Variants in FRAS1 observed in about 807,000 individuals in gnomAD.
FRAS1 encodes the protein extracellular matrix organizing protein FRAS1.
FRAS1 carries 290 observed loss-of-function variants against 435.2 expected under a neutral mutation model. That is an observed-to-expected ratio of 0.67 (90% CI 0.61 to 0.73). FRAS1 has a LOEUF of 0.73. Among genes scored for constraint, FRAS1 ranks in the 30% least tolerant of loss-of-function variants. The probability of loss-of-function intolerance (pLI) is 0.00; values close to 1 mark genes in which losing one functional copy is unlikely to be tolerated. For missense variants in FRAS1, 4,860 were observed against 5,001.5 expected, an observed-to-expected ratio of 0.97 and a Z score of 0.85; for synonymous variants, 1,800 against 1,851.0, an observed-to-expected ratio of 0.97 and a Z score of 0.71.
At position 78,283,964 on chromosome 4, in the gene FRAS1, T is replaced by G. The variant is rs115964369; in HGVS notation, c.1256-441T>G. Among the ~76,000 whole-genome samples, 292 of 152,264 alleles carry G rather than the reference T, an allele frequency of 1.9e-3. 2 individuals are homozygous for G. The highest frequency in any genetic ancestry group is 6.7e-3 in the African/African-American group (278 of 41,556). Reference sequence around the variant, plus strand: ...AGAAAAAGAAGAAAATGGGGTGCATTTTTCTTAGATAAAAATAACTATTTT... The same window carrying G: ...AGAAAAAGAAGAAAATGGGGTGCATGTTTCTTAGATAAAAATAACTATTTT... On this transcript the variant is annotated intron_variant, in intron 12 of 73. Transcript: ENST00000512123.
chr4:78,307,229 T>A (rs562071439), intron 14 of FRAS1, among the ~76,000 whole-genome samples: 11 of 152,330 alleles, frequency 7.2e-5, no homozygotes, highest in African/African-American at 2.6e-4. Flanking sequence ...AGTTTTCAGA[T>A]CTCAAGCTGC....
intron 38 of FRAS1, among the ~76,000 whole-genome samples, 196 bp from the exon 39 acceptor site, chr4:78,438,374 C>T (rs1462682211): frequency 6.6e-6 from 1 of 152,044 alleles, no homozygotes; most frequent in Non-Finnish European, 1.5e-5. Flanking sequence ...AATATGTTAT[C>T]AAAGAGGAAT....
Position 78,139,914 on chromosome 4 carries a change from CT to C in FRAS1, c.108+73900del, listed in dbSNP as rs541174813. On this transcript the variant is annotated intron_variant, in intron 2 of 73. Transcript: ENST00000512123. ...CTATATTGTTATAATTGGATTTGACCTTCAGCCCCCTTTAATTCATTTATTT... is the reference window on the plus strand; with the variant it reads ...CTATATTGTTATAATTGGATTTGACCTCAGCCCCCTTTAATTCATTTATTT... Among the ~76,000 whole-genome samples the C allele has an allele frequency of 4.5e-4, 69 of 152,226 alleles. 1 individual carries two copies. In the South Asian group the frequency reaches 0.011, roughly 25 times the overall value.
intron 43 of FRAS1, 128 bp downstream of exon 43, chr4:78,447,008 T>A (rs945650942): frequency 4.4e-6 from 4 of 916,072 alleles, no homozygotes; most frequent in Admixed American, 3.3e-5. Flanking sequence ...CAAAGTGTAA[T>A]CAAATTCACA....
chr4:78,269,865 A>AATGCATAGGAGAGGGT (rs1226673074), intron 9 of FRAS1, among the ~76,000 whole-genome samples: 1 of 152,168 alleles, frequency 6.6e-6, no homozygotes, highest in Non-Finnish European at 1.5e-5. Context: ...CTTGGAGCAA[A>AATGCATAGGAGAGGGT]ATGCATAGGA....
Position 78,515,880 on chromosome 4 carries a change from G to C in FRAS1, c.10256G>C (p.Ser3419Thr). ...GATCGCCCCTTCCAGTTTGACCCCA[G>C]CGTGCGAGAGCCGAAGACCATCCAG... ...GYDRPFQFDP[S>T]VREPKTIQLY... The change falls in exon 66 of 74, where the codon AGC (serine) becomes ACC (threonine). Residue 3419 changes from serine (S) to threonine (T), a missense_variant. Coordinates refer to ENST00000512123, the MANE Select transcript of FRAS1 (RefSeq NM_025074.7). 1.9e-6 allele frequency: 3 copies of C among 1,613,974 alleles called. No individual in the cohort carries two copies. Among genetic ancestry groups the C allele is most frequent in the Non-Finnish European group, 2.5e-6 (3 of 1,179,878 alleles).
chr4:78,465,166 C>G (rs1719488654), intron 49 of FRAS1, among the ~76,000 whole-genome samples: 1 of 152,154 alleles, frequency 6.6e-6, no homozygotes, highest in Non-Finnish European at 1.5e-5. Context: ...TCTATGTATC[C>G]CCTTCTCTGT....
chr4:78,100,353 T>C (rs1035484656), intron 2 of FRAS1, among the ~76,000 whole-genome samples: 2 of 152,208 alleles, frequency 1.3e-5, no homozygotes, highest in South Asian at 4.1e-4. Context: ...CTGTTGTGAA[T>C]ATGAGGAAAT....
chr4:78,206,971 G>T (rs1271147581), intron 2 of FRAS1, among the ~76,000 whole-genome samples: 1 of 152,186 alleles, frequency 6.6e-6, no homozygotes, highest in Non-Finnish European at 1.5e-5. Context: ...GGGCAATAGG[G>T]CCTAGTTATC....
chr4:78,482,016 T>A, intron 57 of FRAS1, 52 bp downstream of exon 57: 2 of 1,571,924 alleles, frequency 1.3e-6, no homozygotes, highest in South Asian at 1.2e-5. Context: ...GGTTTGTGAA[T>A]GTTGTCTTTA....
At chr4:78,464,226 G>A in intron 48 of FRAS1, 81 bp downstream of exon 48, 1 of 1,502,732 alleles carries the variant, frequency 6.7e-7, no homozygotes, top group Non-Finnish European at 8.9e-7. Context: ...AGAGTGACTG[G>A]TGAGAGAAGA....
chr4:78,078,570 AAAATAAAGTACAGG>A (rs1205008487), intron 2 of FRAS1, among the ~76,000 whole-genome samples: 128 of 152,288 alleles, frequency 8.4e-4, no homozygotes, highest in African/African-American at 2.8e-3. Flanking sequence ...CTAAAAAGAA[AAAATAAAGTACAGG>A]TTTTCAAAGA....
chr4:78,238,978 T>G (rs1478797939), intron 3 of FRAS1, among the ~76,000 whole-genome samples: 1 of 152,202 alleles, frequency 6.6e-6, no homozygotes, highest in East Asian at 1.9e-4. Flanking sequence ...AATGTGAAAA[T>G]TATGTGAAAT....
chr4:78,500,394 G>A (rs1252505088), intron 61 of FRAS1, among the ~76,000 whole-genome samples: 2 of 152,142 alleles, frequency 1.3e-5, no homozygotes, highest in Non-Finnish European at 1.5e-5. Context: ...AGATGAGTTT[G>A]GGAAAAGAGA....
intron 2 of FRAS1, among the ~76,000 whole-genome samples, chr4:78,082,763 TC>T (rs1319201477): frequency 6.8e-6 from 1 of 147,258 alleles, no homozygotes; most frequent in Non-Finnish European, 1.5e-5. Flanking sequence ...AATTAATTGA[TC>T]CTTAAAAATT....
chr4:78,330,612 C>T (rs532563221), intron 18 of FRAS1, among the ~76,000 whole-genome samples: 7 of 152,292 alleles, frequency 4.6e-5, no homozygotes, highest in South Asian at 2.1e-4. Flanking sequence ...CCCCCCTGGG[C>T]GTGTGCATCT....
intron 2 of FRAS1, among the ~76,000 whole-genome samples, chr4:78,079,561 G>A (rs1222364141): frequency 6.6e-6 from 1 of 152,178 alleles, no homozygotes; most frequent in Non-Finnish European, 1.5e-5. Context: ...GATAAAATTA[G>A]CTTGAGACTG....
chr4:78,455,867 A>G (rs1719177830), intron 47 of FRAS1, among the ~76,000 whole-genome samples: 2 of 152,184 alleles, frequency 1.3e-5, no homozygotes, highest in East Asian at 1.9e-4. Context: ...AAGGAGTTAT[A>G]TTAACTAGGA....
intron 2 of FRAS1, among the ~76,000 whole-genome samples, chr4:78,175,383 G>A (rs1721725334): frequency 6.6e-6 from 1 of 152,168 alleles, no homozygotes; most frequent in Non-Finnish European, 1.5e-5. Context: ...GTGTGCCCCG[G>A]TAAGGAGGGA....
Sources: allele counts gnomAD v4.1 joint callset (sites outside exome capture counted in the v4.1 genomes callset), GRCh38; gene constraint gnomAD v4.1.1; transcripts MANE v1.5; gene names NCBI Gene and HGNC (gene_info 2026-07-23, HGNC 2026-07-21).